ENTREP2: variants seen among roughly 807,000 people sequenced by gnomAD.
ENTREP2 encodes endosomal transmembrane epsin interactor 2.
chr15:29,567,447 C>A, the ENTREP2 span, among the ~76,000 whole-genome samples: 1 of 152,302 alleles, frequency 6.6e-6, no homozygotes, highest in East Asian at 1.9e-4. Context: ...TAATCGTTAG[C>A]AGGAGTTTGG....
At chr15:29,478,158 G>A in the ENTREP2 span, among the ~76,000 whole-genome samples, 3 of 150,308 alleles carry the variant, frequency 2.0e-5, no homozygotes, top group Non-Finnish European at 4.4e-5. Context: ...CCGAGTAGCT[G>A]GGACTACAGG....
At chr15:29,654,062 T>C in the ENTREP2 span, among the ~76,000 whole-genome samples, 15 of 152,196 alleles carry the variant, frequency 9.9e-5, no homozygotes, top group Non-Finnish European at 1.5e-4. Context: ...GCTATACTTA[T>C]CTTAAATAAT....
At chr15:29,595,589 T>C in the ENTREP2 span, among the ~76,000 whole-genome samples, 17 of 152,316 alleles carry the variant, frequency 1.1e-4, no homozygotes, top group African/African-American at 3.8e-4. Context: ...GCATTCCTTA[T>C]CTAAAGTCTT....
At chr15:29,614,701 T>C in the ENTREP2 span, among the ~76,000 whole-genome samples, 2 of 152,110 alleles carry the variant, frequency 1.3e-5, no homozygotes, top group Admixed American at 6.5e-5. Context: ...ACCCAGATAA[T>C]GTGCACCATC....
At chr15:29,356,141 A>T in the ENTREP2 span, among the ~76,000 whole-genome samples, 1 of 148,928 alleles carries the variant, frequency 6.7e-6, no homozygotes, top group Non-Finnish European at 1.5e-5. Flanking sequence ...TGAGGATGTG[A>T]GGATGAGAAG....
At chr15:29,412,188 G>C in the ENTREP2 span, among the ~76,000 whole-genome samples, 4 of 151,554 alleles carry the variant, frequency 2.6e-5, no homozygotes, top group African/African-American at 9.7e-5. Flanking sequence ...TATTGAGTTA[G>C]CTTAGACTAG....
At chr15:29,264,708 T>A in the ENTREP2 span, among the ~76,000 whole-genome samples, 1 of 152,140 alleles carries the variant, frequency 6.6e-6, no homozygotes, top group Non-Finnish European at 1.5e-5. Flanking sequence ...TAAAGAAACA[T>A]AACTAAATAG....
the ENTREP2 span, among the ~76,000 whole-genome samples, chr15:29,206,294 C>A: frequency 6.6e-6 from 1 of 152,112 alleles, no homozygotes; most frequent in Admixed American, 6.5e-5. Context: ...CCCACTCATG[C>A]GGGCTCCACC....
At chr15:29,665,661 ATTCC>A in the ENTREP2 span, among the ~76,000 whole-genome samples, 1 of 152,132 alleles carries the variant, frequency 6.6e-6, no homozygotes, top group African/African-American at 2.4e-5. Context: ...CCATGCAACC[ATTCC>A]TCACGCAGGC....
the ENTREP2 span, among the ~76,000 whole-genome samples, chr15:29,600,234 A>C: frequency 6.6e-6 from 1 of 152,202 alleles, no homozygotes; most frequent in Non-Finnish European, 1.5e-5. Flanking sequence ...ATTTGTCAAA[A>C]AAAAAAGATG....
the ENTREP2 span, among the ~76,000 whole-genome samples, chr15:29,625,009 C>T: frequency 6.1e-3 from 921 of 152,092 alleles, 9 homozygotes; most frequent in African/African-American, 0.021. Flanking sequence ...CATACCCATC[C>T]TATCCAGGCT....
chr15:29,328,235 C>T, the ENTREP2 span, among the ~76,000 whole-genome samples: 5 of 151,922 alleles, frequency 3.3e-5, no homozygotes, highest in Non-Finnish European at 5.9e-5. Flanking sequence ...AAGGGCAAAA[C>T]GGTAGTAATA....
the ENTREP2 span, among the ~76,000 whole-genome samples, chr15:29,628,447 T>C: frequency 1.1e-4 from 17 of 152,232 alleles, no homozygotes; most frequent in African/African-American, 3.9e-4. Flanking sequence ...TTTTCATCTA[T>C]CTTAAATGTT....
chr15:29,548,021 T>C, the ENTREP2 span, among the ~76,000 whole-genome samples: 2 of 151,968 alleles, frequency 1.3e-5, no homozygotes, highest in Non-Finnish European at 1.5e-5. Context: ...GTATGTAAAA[T>C]AACCAAATTC....
the ENTREP2 span, among the ~76,000 whole-genome samples, chr15:29,155,997 G>C: frequency 6.6e-6 from 1 of 152,144 alleles, no homozygotes; most frequent in Non-Finnish European, 1.5e-5. Context: ...ACAGCTGCTA[G>C]ACATGGAGCA....
At chr15:29,574,931 C>G in the ENTREP2 span, among the ~76,000 whole-genome samples, 1 of 152,068 alleles carries the variant, frequency 6.6e-6, no homozygotes, top group Non-Finnish European at 1.5e-5. Context: ...ACCAGGGGGA[C>G]TTTTTTTAAG....
chr15:29,493,006 A>G, the ENTREP2 span, among the ~76,000 whole-genome samples: 1 of 149,628 alleles, frequency 6.7e-6, no homozygotes, highest in Non-Finnish European at 1.5e-5. Context: ...TCCGTCTCCA[A>G]AAAAAAAAAG....
chr15:29,571,032 C>T, the ENTREP2 span, among the ~76,000 whole-genome samples: 23 of 146,390 alleles, frequency 1.6e-4, no homozygotes, highest in South Asian at 2.7e-3. Flanking sequence ...GAGCCGCCGC[C>T]GCTGCTGCCG....
chr15:29,330,427 C>T, the ENTREP2 span, among the ~76,000 whole-genome samples: 35 of 152,082 alleles, frequency 2.3e-4, no homozygotes, highest in African/African-American at 8.2e-4. Flanking sequence ...CCAGCCTGGG[C>T]GACAGAGCGA....
Sources: allele counts gnomAD v4.1 joint callset (sites outside exome capture counted in the v4.1 genomes callset), GRCh38; gene constraint gnomAD v4.1.1; transcripts MANE v1.5; gene names NCBI Gene and HGNC (gene_info 2026-07-23, HGNC 2026-07-21).